The following CSMD3 variants were observed in gnomAD, a reference collection of about 807,000 sequenced individuals.
The protein encoded by CSMD3 is CUB and Sushi multiple domains 3.
A neutral mutation model predicts 435.2 loss-of-function variants in CSMD3; 177 were observed. The ratio of observed to expected loss-of-function variants is 0.41; its 90% confidence interval spans 0.36 to 0.46. CSMD3 has a LOEUF of 0.46. Among genes scored for constraint, CSMD3 ranks in the 20% least tolerant of loss-of-function variants. The pLI is 0.34. For missense variants in CSMD3, 4,265 were observed against 4,504.6 expected, an observed-to-expected ratio of 0.95 and a Z score of 1.52; for synonymous variants, 1,656 against 1,520.5, an observed-to-expected ratio of 1.09 and a Z score of -2.07.
chr8:112,794,452 G>T (rs1051617995), intron 13 of CSMD3, among the ~76,000 whole-genome samples: 1 of 151,476 alleles, frequency 6.6e-6, no homozygotes, highest in African/African-American at 2.4e-5. Context: ...GCACCACCAC[G>T]CCCTGCTAAT....
chr8:112,379,432 C>A (rs1166937252), intron 38 of CSMD3, among the ~76,000 whole-genome samples: 1 of 151,962 alleles, frequency 6.6e-6, no homozygotes, highest in African/African-American at 2.4e-5. Context: ...TCATGCCATT[C>A]CATTCTAGCC....
At chr8:112,948,242 C>T (rs535188922) in intron 8 of CSMD3, among the ~76,000 whole-genome samples, 1 of 151,984 alleles carries the variant, frequency 6.6e-6, no homozygotes, top group African/African-American at 2.4e-5. Flanking sequence ...AAGTCAACCA[C>T]CAGTTATGAT....
At chr8:112,446,346 C>A (rs1192503055) in intron 32 of CSMD3, among the ~76,000 whole-genome samples, 1 of 152,140 alleles carries the variant, frequency 6.6e-6, no homozygotes, top group Non-Finnish European at 1.5e-5. Flanking sequence ...GCTGATATTG[C>A]CAAAACTTGA....
At chr8:113,177,156 CATT>C in intron 3 of CSMD3, among the ~76,000 whole-genome samples, 1 of 151,640 alleles carries the variant, frequency 6.6e-6, no homozygotes, top group East Asian at 1.9e-4. Context: ...AAGCTAGACA[CATT>C]ATACTTGTTA....
chr8:113,366,623 T>A (rs1043586777), intron 1 of CSMD3, among the ~76,000 whole-genome samples: 1 of 152,086 alleles, frequency 6.6e-6, no homozygotes, highest in Non-Finnish European at 1.5e-5. Context: ...TTATGCATAT[T>A]TGAATGCAAT....
intron 10 of CSMD3, among the ~76,000 whole-genome samples, chr8:112,907,196 G>A (rs140464218): frequency 1.3e-5 from 2 of 151,546 alleles, no homozygotes; most frequent in African/African-American, 4.8e-5. Context: ...GAAAAGAATA[G>A]TCCCTATCTA....
At chr8:112,721,882 A>G (rs1286449065) in intron 13 of CSMD3, among the ~76,000 whole-genome samples, 1 of 152,188 alleles carries the variant, frequency 6.6e-6, no homozygotes, top group Non-Finnish European at 1.5e-5. Context: ...AGTATTAAAC[A>G]ATAAATAACA....
At chr8:112,827,289 C>A (rs889472201) in intron 12 of CSMD3, among the ~76,000 whole-genome samples, 1 of 147,588 alleles carries the variant, frequency 6.8e-6, no homozygotes, top group Non-Finnish European at 1.5e-5. Flanking sequence ...AATAGGAGGA[C>A]ATAGCATCTA....
At chr8:113,319,722 A>C (rs2093936230) in intron 1 of CSMD3, among the ~76,000 whole-genome samples, 1 of 152,082 alleles carries the variant, frequency 6.6e-6, no homozygotes. Flanking sequence ...GATAACAAGT[A>C]GTTACTCTTG....
intron 66 of CSMD3, among the ~76,000 whole-genome samples, chr8:112,239,191 T>A (rs949031783): frequency 2.0e-5 from 3 of 152,066 alleles, no homozygotes; most frequent in African/African-American, 7.2e-5. Context: ...TATAAATTTG[T>A]TCTGACCATG....
At chr8:112,592,528 T>A (rs2131373940) in intron 22 of CSMD3, among the ~76,000 whole-genome samples, 1 of 152,200 alleles carries the variant, frequency 6.6e-6, no homozygotes, top group Middle Eastern at 3.4e-3. Flanking sequence ...GCATTTTCTA[T>A]AATCATTTTT....
chr8:112,456,641 T>C (rs1009008753), intron 32 of CSMD3, among the ~76,000 whole-genome samples: 12 of 152,120 alleles, frequency 7.9e-5, no homozygotes, highest in East Asian at 3.8e-4. Context: ...TGTTGATACT[T>C]ACAAAAATGT....
chr8:112,744,816 G>A (rs2077391540), intron 13 of CSMD3, among the ~76,000 whole-genome samples: 1 of 152,098 alleles, frequency 6.6e-6, no homozygotes, highest in Admixed American at 6.6e-5. Context: ...ATAAGAGACA[G>A]CAATGGGCAA....
chr8:113,076,028 T>G (rs1283388166), intron 5 of CSMD3, among the ~76,000 whole-genome samples: 1 of 151,772 alleles, frequency 6.6e-6, no homozygotes, highest in African/African-American at 2.4e-5. Context: ...ACTGAGTAGT[T>G]TCACTAAAAG....
At chr8:113,003,670 C>T (rs887233347) in intron 6 of CSMD3, among the ~76,000 whole-genome samples, 16 of 151,908 alleles carry the variant, frequency 1.1e-4, no homozygotes, top group African/African-American at 1.7e-4. Context: ...TAGCGAGATG[C>T]TTTTAGAAAA....
chr8:113,178,176 G>C (rs1432454035), intron 3 of CSMD3, among the ~76,000 whole-genome samples: 1 of 151,820 alleles, frequency 6.6e-6, no homozygotes. Flanking sequence ...ATAGGCATTT[G>C]GGCATTCTTC....
At position 112,894,170 on chromosome 8, in the gene CSMD3, T is replaced by A. The variant is rs565108326; in HGVS notation, c.1633+27457A>T. Among the ~76,000 whole-genome samples the A allele has an allele frequency of 2.5e-3, 379 of 151,596 alleles. 1 individual carries two copies. The highest frequency in any genetic ancestry group is 8.7e-3 in the African/African-American group (362 of 41,466). ...TACCACTTCAAGTTCCAAGAGATCA[T>A]CATACCTCCAAATGTAAAAAATGCT... On this transcript the variant is annotated intron_variant, in intron 10 of 70. Transcript: ENST00000297405.
chr8:113,315,650 AAT>A (rs1246774170), intron 1 of CSMD3, among the ~76,000 whole-genome samples: 7 of 148,156 alleles, frequency 4.7e-5, no homozygotes, highest in African/African-American at 1.7e-4. Context: ...ATGTATATTA[AAT>A]ATATATATCA....
chr8:113,413,435 G>T (rs78316924), intron 1 of CSMD3, among the ~76,000 whole-genome samples: 307 of 152,122 alleles, frequency 2.0e-3, no homozygotes, highest in Non-Finnish European at 3.4e-3. Context: ...GCAGCATAAA[G>T]AAAGTCAAGG....
Sources: allele counts gnomAD v4.1 joint callset (sites outside exome capture counted in the v4.1 genomes callset), GRCh38; gene constraint gnomAD v4.1.1; transcripts MANE v1.5; gene names NCBI Gene and HGNC (gene_info 2026-07-23, HGNC 2026-07-21).